IGFL2: variants seen among roughly 807,000 people sequenced by gnomAD.
The protein encoded by IGFL2 is insulin growth factor-like family member 2.
A neutral mutation model predicts 13.9 loss-of-function variants in IGFL2; 7 were observed. The observed-to-expected ratio is 0.51, with a 90% CI of 0.29 to 0.95. The LOEUF is 0.95. Ranked by LOEUF, IGFL2 falls within the 40% of genes least tolerant of loss-of-function variation. The probability of loss-of-function intolerance (pLI) is 0.08; values close to 1 mark genes in which losing one functional copy is unlikely to be tolerated. For missense variants in IGFL2, 138 were observed against 147.8 expected (o/e 0.93, Z 0.34); for synonymous variants, 55 against 55.8 (o/e 0.99, Z 0.07).
upstream of IGFL2, among the ~76,000 whole-genome samples, chr19:46,142,836 C>T (rs1241083308): frequency 4.6e-5 from 7 of 152,222 alleles, no homozygotes; most frequent in African/African-American, 1.4e-4. Flanking sequence ...TCTACATGCA[C>T]ATTATAACAG....
the IGFL2 span, chr19:46,197,152 T>C: frequency 8.8e-6 from 2 of 228,334 alleles, no homozygotes; most frequent in African/African-American, 2.3e-5. Context: ...CCCAGAGGGG[T>C]GGAACTGCAC....
chr19:46,105,157 T>C, the IGFL2 span, among the ~76,000 whole-genome samples: 2,018 of 152,284 alleles, frequency 0.013, 31 homozygotes, highest in Middle Eastern at 0.027. Flanking sequence ...TTATTAAAGA[T>C]GCATTAATGA....
At chr19:46,119,524 A>G in the IGFL2 span, among the ~76,000 whole-genome samples, 1 of 141,118 alleles carries the variant, frequency 7.1e-6, no homozygotes, top group Non-Finnish European at 1.5e-5. Flanking sequence ...AGTCATTCTC[A>G]TCCCACTGCT....
intron 1 of IGFL2, among the ~76,000 whole-genome samples, chr19:46,154,220 C>A (rs948786377): frequency 5.3e-5 from 8 of 152,148 alleles, no homozygotes; most frequent in African/African-American, 1.9e-4. Context: ...TCTGGCCCGT[C>A]TGCCTCTGTT....
chr19:46,097,932 C>T, the IGFL2 span, among the ~76,000 whole-genome samples: 2 of 152,150 alleles, frequency 1.3e-5, no homozygotes, highest in Admixed American at 1.3e-4. Flanking sequence ...ATTATGAGAT[C>T]AGTTTTTGAG....
chr19:46,132,309 G>A, the IGFL2 span, among the ~76,000 whole-genome samples: 1 of 152,186 alleles, frequency 6.6e-6, no homozygotes, highest in African/African-American at 2.4e-5. Context: ...TCCATTTCAT[G>A]GAACCATAGG....
At chr19:46,149,158 C>G (rs536470847) in intron 1 of IGFL2, 13 of 699,210 alleles carry the variant, frequency 1.9e-5, no homozygotes, top group South Asian at 1.1e-4. Context: ...CTCCCTCTCT[C>G]TCTTCTCTCT....
chr19:46,145,416 T>C (rs1264933366), upstream of IGFL2, among the ~76,000 whole-genome samples: 2 of 151,970 alleles, frequency 1.3e-5, no homozygotes, highest in Non-Finnish European at 2.9e-5. Flanking sequence ...TCCAACACAG[T>C]CAATCCTTGC....
the IGFL2 span, among the ~76,000 whole-genome samples, chr19:46,085,540 T>C: frequency 2.6e-5 from 4 of 152,240 alleles, no homozygotes; most frequent in African/African-American, 9.7e-5. Context: ...ATGGGTCTCT[T>C]GAATACAGTA....
At chr19:46,139,703 C>CA (rs1972769252), upstream of IGFL2, among the ~76,000 whole-genome samples, 1 of 152,046 alleles carries the variant, frequency 6.6e-6, no homozygotes, top group Non-Finnish European at 1.5e-5. Context: ...AGCAAGTTCA[C>CA]AACTGTGGTG....
the IGFL2 span, chr19:46,198,532 T>G: frequency 6.6e-6 from 1 of 152,192 alleles, no homozygotes; most frequent in Non-Finnish European, 1.5e-5. Flanking sequence ...TATATAGAAA[T>G]GAAACCATAA....
At chr19:46,154,059 C>G (rs1027738126) in intron 1 of IGFL2, among the ~76,000 whole-genome samples, 2 of 152,044 alleles carry the variant, frequency 1.3e-5, no homozygotes, top group Non-Finnish European at 2.9e-5. Context: ...CACAGTTCAA[C>G]TCTCACTTCT....
At chr19:46,211,390 A>G in the IGFL2 span, among the ~76,000 whole-genome samples, 2 of 152,168 alleles carry the variant, frequency 1.3e-5, no homozygotes, top group East Asian at 1.9e-4. Flanking sequence ...CCTTCCTTCT[A>G]CATACCTGAC....
At chr19:46,162,111 A>C (rs1334477380), downstream of IGFL2, among the ~76,000 whole-genome samples, 1 of 152,210 alleles carries the variant, frequency 6.6e-6, no homozygotes, top group Non-Finnish European at 1.5e-5. Context: ...TTCTTTGAGA[A>C]TGTTGAATAT....
At chr19:46,079,314 G>T in the IGFL2 span, among the ~76,000 whole-genome samples, 1 of 152,364 alleles carries the variant, frequency 6.6e-6, no homozygotes, top group South Asian at 2.1e-4. Flanking sequence ...GTTTGTTTTG[G>T]CTGCCCAGGA....
the IGFL2 span, among the ~76,000 whole-genome samples, chr19:46,135,198 A>G: frequency 3.9e-5 from 6 of 152,340 alleles, no homozygotes; most frequent in African/African-American, 1.4e-4. Context: ...AGAAATGAAT[A>G]TTGACTAACA....
chr19:46,094,201 C>CAA, the IGFL2 span, among the ~76,000 whole-genome samples: 1 of 151,906 alleles, frequency 6.6e-6, no homozygotes, highest in Non-Finnish European at 1.5e-5. Flanking sequence ...GTGTAGTAAT[C>CAA]AAGACAGTAT....
chr19:46,146,632 G>A (rs932591210), upstream of IGFL2, among the ~76,000 whole-genome samples: 2 of 151,930 alleles, frequency 1.3e-5, no homozygotes, highest in African/African-American at 2.4e-5. Context: ...TACTTTAATC[G>A]TACACATCCT....
the IGFL2 span, among the ~76,000 whole-genome samples, chr19:46,117,187 C>T: frequency 6.6e-6 from 1 of 151,968 alleles, no homozygotes. Context: ...TTTCAGTATA[C>T]CTAGAGAATA....
Sources: allele counts gnomAD v4.1 joint callset (sites outside exome capture counted in the v4.1 genomes callset), GRCh38; gene constraint gnomAD v4.1.1; transcripts MANE v1.5; gene names NCBI Gene and HGNC (gene_info 2026-07-23, HGNC 2026-07-21).